CTNNA3: variants seen among roughly 807,000 people sequenced by gnomAD.
CTNNA3 encodes catenin alpha 3, also known as catenin alpha-3.
In CTNNA3, 76 loss-of-function variants were observed where a neutral mutation model predicts 95.7. That is an observed-to-expected ratio of 0.79 (90% confidence interval 0.66 to 0.96). CTNNA3 has a LOEUF of 0.96. CTNNA3 is among the 40% of genes least tolerant of loss of function. The pLI, the probability that CTNNA3 is intolerant of heterozygous loss-of-function variation, is 0.00. For missense variants in CTNNA3, 1,191 were observed against 1,089.8 expected, an observed-to-expected ratio of 1.09 and a Z score of -1.31; for synonymous variants, 431 against 374.4, an observed-to-expected ratio of 1.15 and a Z score of -1.74.
chr10:67,747,234 A>T (rs1274525382), intron 1 of CTNNA3, among the ~76,000 whole-genome samples: 1 of 149,450 alleles, frequency 6.7e-6, no homozygotes, highest in Admixed American at 6.7e-5. Context: ...AGACCAGACG[A>T]GTGGGTTTCC....
At chr10:67,628,153 T>C (rs1589506784) in intron 2 of CTNNA3, among the ~76,000 whole-genome samples, 1 of 151,260 alleles carries the variant, frequency 6.6e-6, no homozygotes, top group South Asian at 2.1e-4. Context: ...AAAAATAGTC[T>C]ACAAAACTAG....
chr10:66,062,343 G>A (rs558551326), intron 15 of CTNNA3, among the ~76,000 whole-genome samples: 1 of 152,018 alleles, frequency 6.6e-6, no homozygotes, highest in South Asian at 2.1e-4. Context: ...TCTATATGGA[G>A]GACTTCAAGT....
intron 5 of CTNNA3, among the ~76,000 whole-genome samples, chr10:67,407,453 G>A (rs961196724): frequency 3.9e-5 from 6 of 152,024 alleles, no homozygotes; most frequent in Non-Finnish European, 8.8e-5. Context: ...GAAACCCACA[G>A]CCAATATACT....
At chr10:67,339,973 T>A (rs1030615396) in intron 5 of CTNNA3, among the ~76,000 whole-genome samples, 42 of 152,330 alleles carry the variant, frequency 2.8e-4, no homozygotes, top group African/African-American at 7.9e-4. Flanking sequence ...TCCAAATAAA[T>A]GTGTAAAAAG....
intron 5 of CTNNA3, among the ~76,000 whole-genome samples, chr10:67,504,622 A>G (rs1040729697): frequency 1.3e-5 from 2 of 152,118 alleles, no homozygotes; most frequent in Non-Finnish European, 2.9e-5. Flanking sequence ...CATGTTCACA[A>G]GTGGTACCTT....
rs997087061 is a variant in CTNNA3, at chr10:66,354,367, A to G, written c.1732+24785T>C. 4.6e-5 allele frequency among the ~76,000 whole-genome samples: 7 copies of G among 151,836 alleles called. 1 individual carries two copies. Among genetic ancestry groups the G allele is most frequent in the South Asian group, 2.1e-4 (1 of 4,808 alleles). On this transcript the variant is annotated intron_variant, in intron 12 of 17. Coordinates refer to ENST00000433211, the MANE Select transcript of CTNNA3 (RefSeq NM_013266.4). The stretch of plus-strand genomic sequence containing the variant: ...GTCTGTGTCTAAAAAAGAAACTAGC[A>G]CTGGCTCTTGAAACAACATCAAGGT...
At chr10:66,443,585 A>C (rs12267857) in intron 11 of CTNNA3, among the ~76,000 whole-genome samples, 57,794 of 151,712 alleles carry the variant, frequency 0.38, 11,516 homozygotes, top group African/African-American at 0.5. Context: ...GACCTCTAGC[A>C]AACTCCAACA....
intron 7 of CTNNA3, among the ~76,000 whole-genome samples, chr10:67,097,052 A>C (rs1858038106): frequency 1.3e-5 from 2 of 151,896 alleles, no homozygotes; most frequent in Admixed American, 1.3e-4. Context: ...CCAGCATCAT[A>C]TAGGAACTTG....
At chr10:66,960,200 A>C (rs1052983321) in intron 7 of CTNNA3, among the ~76,000 whole-genome samples, 6 of 152,240 alleles carry the variant, frequency 3.9e-5, no homozygotes, top group Non-Finnish European at 8.8e-5. Context: ...AACCATTTTC[A>C]CAATGAAAAT....
intron 7 of CTNNA3, among the ~76,000 whole-genome samples, chr10:67,082,245 T>C (rs908448149): frequency 6.6e-6 from 1 of 152,198 alleles, no homozygotes; most frequent in African/African-American, 2.4e-5. Flanking sequence ...TTATCAAATA[T>C]ATTAGTTGGT....
chr10:66,527,917 CA>C (rs1369232271), intron 10 of CTNNA3, among the ~76,000 whole-genome samples: 2 of 151,540 alleles, frequency 1.3e-5, no homozygotes, highest in African/African-American at 2.4e-5. Context: ...TGGATACCAC[CA>C]AAAAAATATA....
intron 14 of CTNNA3, among the ~76,000 whole-genome samples, chr10:66,077,613 A>T (rs906377054): frequency 6.6e-6 from 1 of 151,830 alleles, no homozygotes; most frequent in Non-Finnish European, 1.5e-5. Flanking sequence ...GGCATGTATC[A>T]TAATGACAGA....
Position 67,034,934 on chromosome 10 carries a change from C to A in CTNNA3, c.1047+145383G>T, listed in dbSNP as rs1853951917. Among the ~76,000 whole-genome samples, 3 of 152,320 alleles carry A rather than the reference C, an allele frequency of 2.0e-5. No homozygotes were observed. The South Asian group carries it at 6.2e-4, about 32-fold the overall frequency. On this transcript the variant is annotated intron_variant, in intron 7 of 17. Coordinates refer to ENST00000433211, the MANE Select transcript of CTNNA3 (RefSeq NM_013266.4). ...TGGCAATGCTATTTCTTCTGGCCTT[C>A]TTACTGCCTGAAATATGCCCACCTA...
At chr10:66,934,576 A>C (rs1211817483) in intron 7 of CTNNA3, among the ~76,000 whole-genome samples, 2 of 152,192 alleles carry the variant, frequency 1.3e-5, no homozygotes, top group Non-Finnish European at 2.9e-5. Context: ...TTGAAAAAAC[A>C]GGATATATAG....
At chr10:66,884,194 A>G (rs1334239486) in intron 7 of CTNNA3, among the ~76,000 whole-genome samples, 1 of 152,102 alleles carries the variant, frequency 6.6e-6, no homozygotes, top group Non-Finnish European at 1.5e-5. Flanking sequence ...ACTTCCTATT[A>G]GGTCCCACCT....
chr10:66,314,129 G>A (rs986334043), intron 12 of CTNNA3, among the ~76,000 whole-genome samples: 17 of 152,066 alleles, frequency 1.1e-4, no homozygotes, highest in African/African-American at 4.1e-4. Context: ...CTCAGCAGGG[G>A]CCCCTGTTTC....
At chr10:65,942,266 T>C (rs776629306) in intron 17 of CTNNA3, among the ~76,000 whole-genome samples, 1 of 152,114 alleles carries the variant, frequency 6.6e-6, no homozygotes, top group Non-Finnish European at 1.5e-5. Context: ...GGCAGAGGAA[T>C]TAAAACAGAA....
intron 9 of CTNNA3, among the ~76,000 whole-genome samples, chr10:66,670,023 T>A (rs1253460675): frequency 6.6e-6 from 1 of 152,092 alleles, no homozygotes; most frequent in African/African-American, 2.4e-5. Context: ...TGAAAAAAAA[T>A]TAAACAAGGA....
At chr10:66,870,758 T>C (rs1844366184) in intron 7 of CTNNA3, among the ~76,000 whole-genome samples, 1 of 152,210 alleles carries the variant, frequency 6.6e-6, no homozygotes, top group African/African-American at 2.4e-5. Context: ...AAGCCATTAT[T>C]GTAAATGTGC....
Sources: allele counts gnomAD v4.1 joint callset (sites outside exome capture counted in the v4.1 genomes callset), GRCh38; gene constraint gnomAD v4.1.1; transcripts MANE v1.5; gene names NCBI Gene and HGNC (gene_info 2026-07-23, HGNC 2026-07-21).